NRG3: variants seen among roughly 807,000 people sequenced by gnomAD.
NRG3 encodes neuregulin 3.
A neutral mutation model predicts 66.9 loss-of-function variants in NRG3; 31 were observed. That is an observed-to-expected ratio of 0.46 (90% confidence interval 0.35 to 0.63). The LOEUF (loss-of-function observed/expected upper bound fraction) is 0.63, where lower values mean the gene tolerates loss of function less well. NRG3 is among the 20% of genes least tolerant of loss of function. NRG3 has a pLI of 0.00. For synonymous variants in NRG3, 393 were observed against 359.4 expected, an observed-to-expected ratio of 1.09 and a Z score of -1.06; for missense variants, 910 against 878.9, an observed-to-expected ratio of 1.04 and a Z score of -0.45.
At chr10:82,060,616 T>C (rs1362267315) in intron 1 of NRG3, among the ~76,000 whole-genome samples, 1 of 152,242 alleles carries the variant, frequency 6.6e-6, no homozygotes, top group Non-Finnish European at 1.5e-5. Context: ...TTTAGCCTTG[T>C]GAATATTTAT....
At chr10:82,945,219 G>T (rs998791981) in intron 4 of NRG3, among the ~76,000 whole-genome samples, 3 of 152,198 alleles carry the variant, frequency 2.0e-5, no homozygotes, top group African/African-American at 7.2e-5. Context: ...ATTAGAGTAT[G>T]TTGGTTGGAA....
At chr10:82,466,210 G>A (rs757466336) in intron 2 of NRG3, among the ~76,000 whole-genome samples, 4 of 151,980 alleles carry the variant, frequency 2.6e-5, no homozygotes, top group African/African-American at 4.8e-5. Context: ...ACTTGGTACA[G>A]CAACTCTGAC....
At chr10:82,793,115 A>G (rs1197920688) in intron 3 of NRG3, among the ~76,000 whole-genome samples, 1 of 152,044 alleles carries the variant, frequency 6.6e-6, no homozygotes, top group Non-Finnish European at 1.5e-5. Context: ...TCTCTCCTGA[A>G]ACATTCGTCT....
Position 82,909,997 on chromosome 10 carries a change from C to G in NRG3, c.1055-41472C>G, listed in dbSNP as rs139713858. Among the ~76,000 whole-genome samples the G allele has an allele frequency of 1.9e-3, 294 of 152,254 alleles. 3 individuals carry two copies. Among genetic ancestry groups the G allele is most frequent in the African/African-American group, 6.7e-3 (280 of 41,554 alleles). On this transcript the variant is annotated intron_variant, in intron 4 of 8. Coordinates refer to ENST00000372141, the MANE Select transcript of NRG3 (RefSeq NM_001010848.4). ...AGTTAATGAAAAATAGAAAAACACT[C>G]TAAAGCGAAAACTGAAGGTCTTGAT...
At chr10:82,639,448 G>A (rs1003807346) in intron 2 of NRG3, among the ~76,000 whole-genome samples, 3 of 152,180 alleles carry the variant, frequency 2.0e-5, no homozygotes, top group Admixed American at 2.0e-4. Flanking sequence ...CAGACATTCA[G>A]ACCATAGCAG....
chr10:82,584,815 C>T (rs1012442906), intron 2 of NRG3, among the ~76,000 whole-genome samples: 3 of 152,076 alleles, frequency 2.0e-5, no homozygotes, highest in South Asian at 4.1e-4. Flanking sequence ...TTCTTATGAA[C>T]AATATTTCTG....
chr10:82,504,834 T>C (rs1565000826), intron 2 of NRG3, among the ~76,000 whole-genome samples: 1 of 152,106 alleles, frequency 6.6e-6, no homozygotes, highest in African/African-American at 2.4e-5. Flanking sequence ...AATGAATAAA[T>C]GATAATTCTA....
intron 1 of NRG3, among the ~76,000 whole-genome samples, chr10:81,979,914 C>A (rs1439185253): frequency 6.6e-6 from 1 of 152,164 alleles, no homozygotes; most frequent in African/African-American, 2.4e-5. Context: ...ACTGGCCACC[C>A]AAGTTCAGAG....
rs963181023 is a variant in NRG3, at chr10:82,287,432, T to C, written c.824-71307T>C. 1.9e-4 allele frequency among the ~76,000 whole-genome samples: 29 copies of C among 152,020 alleles called. 1 individual carries two copies. Among genetic ancestry groups the C allele is most frequent in the Admixed American group, 2.0e-4 (3 of 15,268 alleles). On this transcript the variant is annotated intron_variant, in intron 1 of 8. Coordinates refer to ENST00000372141, the MANE Select transcript of NRG3 (RefSeq NM_001010848.4). ...GAACTGTGAGCCAATTAAACCTCTT[T>C]TCTTTGTAAATTACCCAGTCTCAGA...
chr10:82,286,444 G>C (rs1485317161), intron 1 of NRG3, among the ~76,000 whole-genome samples: 1 of 152,090 alleles, frequency 6.6e-6, no homozygotes, highest in Non-Finnish European at 1.5e-5. Context: ...TGAATGCAAA[G>C]GGCAGAGGAA....
chr10:82,639,924 C>G (rs560828798), intron 2 of NRG3, among the ~76,000 whole-genome samples: 11 of 152,086 alleles, frequency 7.2e-5, no homozygotes, highest in Non-Finnish European at 1.5e-4. Flanking sequence ...CTCCTCCCAC[C>G]CTCCACCCTC....
intron 1 of NRG3, among the ~76,000 whole-genome samples, chr10:82,345,926 C>A (rs1374329491): frequency 6.6e-6 from 1 of 152,140 alleles, no homozygotes; most frequent in Admixed American, 6.5e-5. Context: ...TATCCTGAGA[C>A]TTTGCTGAAG....
chr10:82,210,766 T>A (rs1315719410), intron 1 of NRG3, among the ~76,000 whole-genome samples: 2 of 152,184 alleles, frequency 1.3e-5, no homozygotes, highest in African/African-American at 4.8e-5. Context: ...TGTGAGTAGA[T>A]ATTTTAAACC....
At chr10:82,529,679 G>T (rs565988030) in intron 2 of NRG3, among the ~76,000 whole-genome samples, 1 of 152,058 alleles carries the variant, frequency 6.6e-6, no homozygotes, top group Non-Finnish European at 1.5e-5. Flanking sequence ...TCCTCCATGG[G>T]AACTGTAGTG....
At chr10:82,691,681 A>G (rs1377734940) in intron 2 of NRG3, among the ~76,000 whole-genome samples, 1 of 152,202 alleles carries the variant, frequency 6.6e-6, no homozygotes, top group African/African-American at 2.4e-5. Flanking sequence ...AAGAAACTGG[A>G]ACTTATGATG....
intron 2 of NRG3, among the ~76,000 whole-genome samples, chr10:82,551,846 T>G (rs1274676098): frequency 2.0e-5 from 3 of 152,116 alleles, no homozygotes; most frequent in African/African-American, 7.2e-5. Context: ...AATTCAAATA[T>G]GCATCCATAG....
chr10:82,295,454 T>A (rs1439829254), intron 1 of NRG3, among the ~76,000 whole-genome samples: 3 of 152,130 alleles, frequency 2.0e-5, no homozygotes, highest in African/African-American at 7.2e-5. Context: ...GAGGGTACAT[T>A]TTTAATAGAT....
intron 1 of NRG3, among the ~76,000 whole-genome samples, chr10:82,337,226 A>G: frequency 6.6e-6 from 1 of 152,334 alleles, no homozygotes; most frequent in African/African-American, 2.4e-5. Flanking sequence ...GGATTTGCCT[A>G]TTCTGGACAT....
chr10:82,618,724 A>G (rs1445056641), intron 2 of NRG3, among the ~76,000 whole-genome samples: 1 of 152,120 alleles, frequency 6.6e-6, no homozygotes, highest in Non-Finnish European at 1.5e-5. Context: ...CTATATTTAT[A>G]TTATGAAATG....
Sources: gnomAD v4.1 joint callset for allele counts (sites outside exome capture counted in the v4.1 genomes callset) on GRCh38, gnomAD v4.1.1 for gene constraint, MANE v1.5 for transcripts, NCBI Gene and HGNC (gene_info 2026-07-23, HGNC 2026-07-21) for gene names.